FRS2: variants seen among roughly 807,000 people sequenced by gnomAD.
FRS2 encodes the protein FGFR signalling adaptor.
In FRS2, 8 loss-of-function variants were observed where a neutral mutation model predicts 43.9. The observed-to-expected ratio is 0.18, with a 90% CI of 0.11 to 0.33. FRS2 has a LOEUF of 0.33. FRS2 is among the 10% of genes least tolerant of loss of function. The probability of loss-of-function intolerance (pLI) is 1.00; values close to 1 mark genes in which losing one functional copy is unlikely to be tolerated. For missense variants in FRS2, 534 were observed against 627.6 expected (o/e 0.85, Z 1.59); for synonymous variants, 219 against 220.3 (o/e 0.99, Z 0.05).
intron 1 of FRS2, among the ~76,000 whole-genome samples, chr12:69,517,872 A>G (rs1481872111): frequency 2.0e-5 from 3 of 152,180 alleles, no homozygotes; most frequent in Non-Finnish European, 4.4e-5. Context: ...AAAATATAAA[A>G]TGATTTCACA....
intron 1 of FRS2, among the ~76,000 whole-genome samples, chr12:69,484,165 AC>A: frequency 6.6e-6 from 1 of 151,266 alleles, no homozygotes; most frequent in East Asian, 1.9e-4. Flanking sequence ...GCTCACTGCA[AC>A]CTCCGCCTCC....
intron 3 of FRS2, among the ~76,000 whole-genome samples, chr12:69,555,864 G>A (rs951660806): frequency 2.0e-5 from 3 of 152,144 alleles, no homozygotes; most frequent in African/African-American, 7.2e-5. Context: ...GGCAAATTTA[G>A]TTTTCTTTGA....
intron 4 of FRS2, among the ~76,000 whole-genome samples, chr12:69,565,312 T>C (rs1880198296): frequency 6.6e-6 from 1 of 152,052 alleles, no homozygotes; most frequent in African/African-American, 2.4e-5. Flanking sequence ...CTTGGGTGAG[T>C]TGGTTAGTGG....
At chr12:69,552,574 G>A (rs1437658549) in intron 3 of FRS2, among the ~76,000 whole-genome samples, 1 of 152,034 alleles carries the variant, frequency 6.6e-6, no homozygotes, top group Non-Finnish European at 1.5e-5. Context: ...TCTGAGTGTA[G>A]TGTCTTATTT....
intron 4 of FRS2, 102 bp from the exon 5 acceptor site, chr12:69,568,903 C>T: frequency 1.9e-6 from 1 of 522,262 alleles, no homozygotes; most frequent in Non-Finnish European, 3.3e-6. Flanking sequence ...TAATTTTCTG[C>T]ATCAGAATAA....
intron 3 of FRS2, among the ~76,000 whole-genome samples, chr12:69,560,594 T>G (rs1204736056): frequency 6.6e-6 from 1 of 152,230 alleles, no homozygotes; most frequent in Non-Finnish European, 1.5e-5. Flanking sequence ...AAGCCTTGGT[T>G]TCCTTATTTG....
In FRS2 at chr12:69,574,283, A is replaced by C. The variant is rs1486664923; in HGVS notation, c.855A>C (p.Glu285Asp). 24 of 1,614,166 alleles carry C rather than the reference A, an allele frequency of 1.5e-5. No homozygotes were observed. Among genetic ancestry groups the C allele is most frequent in the Non-Finnish European group, 2.0e-5 (24 of 1,179,980 alleles). Reference protein sequence around the residue: ...QVSGSGANNTEWDTGYDSDER... With the variant: ...QVSGSGANNTDWDTGYDSDER... Reference sequence around the variant, plus strand: ...GTGGAAGTGGAGCAAATAACACAGAATGGGACACTGGCTATGACAGTGATG... The same window carrying C: ...GTGGAAGTGGAGCAAATAACACAGACTGGGACACTGGCTATGACAGTGATG... Residue 285 changes from glutamate to aspartate, a missense_variant, in exon 9 of 9, where the codon GAA becomes GAC. Glu to Asp is a conservative substitution (Grantham distance 45, BLOSUM62 2). This residue lies in a region of FRS2 where 446 missense variants were observed against 494.2 expected (regional missense o/e 0.90). Coordinates refer to ENST00000549921, the MANE Select transcript of FRS2 (RefSeq NM_001278356.2).
chr12:69,573,705 C>T (rs1293836610), intron 8 of FRS2, among the ~76,000 whole-genome samples: 2 of 152,212 alleles, frequency 1.3e-5, no homozygotes, highest in South Asian at 4.1e-4. Flanking sequence ...TCAAGTGATC[C>T]ACCCGCTTCA....
chr12:69,510,474 A>G (rs1207886143), intron 1 of FRS2, among the ~76,000 whole-genome samples: 2 of 152,200 alleles, frequency 1.3e-5, no homozygotes, highest in East Asian at 1.9e-4. Flanking sequence ...CCCATGATAG[A>G]TAATAAATAA....
At position 69,497,464 on chromosome 12, in the gene FRS2, G is replaced by T. The variant is rs138640033; in HGVS notation, c.-261+26934G>T. 1.7e-4 allele frequency among the ~76,000 whole-genome samples: 26 copies of T among 152,300 alleles called. No individual in the cohort carries two copies. The East Asian group carries it at 5.0e-3, about 29-fold the overall frequency. ...TCTTGCTGTGTCCTCACATGGTAGA[G>T]GGGGTAAGATTGCTCCCTTCAACCT... On this transcript the variant is annotated intron_variant, in intron 1 of 8. Coordinates refer to ENST00000549921, the MANE Select transcript of FRS2 (RefSeq NM_001278356.2).
intron 1 of FRS2, among the ~76,000 whole-genome samples, chr12:69,517,119 C>T (rs1459808906): frequency 1.3e-5 from 2 of 152,222 alleles, no homozygotes; most frequent in Non-Finnish European, 2.9e-5. Context: ...CCTCCCAGCC[C>T]TCACAGCTGT....
intron 8 of FRS2, among the ~76,000 whole-genome samples, chr12:69,573,531 C>T (rs987834494): frequency 1.3e-5 from 2 of 151,892 alleles, no homozygotes; most frequent in Non-Finnish European, 2.9e-5. Context: ...GGTGTAATCT[C>T]GGCTCACTGC....
At chr12:69,527,342 G>GTTTTTTTTT (rs1294936661) in intron 1 of FRS2, among the ~76,000 whole-genome samples, 7 of 33,138 alleles carry the variant, frequency 2.1e-4, no homozygotes, top group East Asian at 2.6e-3. Flanking sequence ...TTTTTTTAAT[G>GTTTTTTTTT]ATTTTTTTTT....
chr12:69,535,811 C>G (rs1343941029), intron 3 of FRS2, among the ~76,000 whole-genome samples: 3 of 152,052 alleles, frequency 2.0e-5, no homozygotes, highest in Non-Finnish European at 2.9e-5. Context: ...ATTAATGTCT[C>G]TCACCATGGC....
chr12:69,478,598 G>C (rs969356669), intron 1 of FRS2, among the ~76,000 whole-genome samples: 4 of 152,014 alleles, frequency 2.6e-5, no homozygotes, highest in African/African-American at 9.7e-5. Flanking sequence ...CTTTTTCTTT[G>C]AATTTTGAAG....
chr12:69,508,273 A>G (rs542959075), intron 1 of FRS2, among the ~76,000 whole-genome samples: 2 of 152,278 alleles, frequency 1.3e-5, no homozygotes, highest in South Asian at 2.1e-4. Flanking sequence ...AGAGTTGCAA[A>G]TAATGTAAGC....
In FRS2 at chr12:69,561,320, CATTTGAAGTTCAG is replaced by C. The variant is rs1879857666; in HGVS notation, c.-121-858_-121-846del. On this transcript the variant is annotated intron_variant, in intron 3 of 8. Transcript: ENST00000549921. Reference sequence around the variant, plus strand: ...TTGAAGTTCAGAGTTGAAATTGTTGCATTTGAAGTTCAGAGTTGAAATTGTTGACTGTGGGTAC... The same window carrying C: ...TTGAAGTTCAGAGTTGAAATTGTTGCAGTTGAAATTGTTGACTGTGGGTAC... Among the ~76,000 whole-genome samples the C allele has an allele frequency of 2.0e-5, 3 of 152,070 alleles. No individual in the cohort carries two copies. The East Asian group carries it at 5.9e-4, about 30-fold the overall frequency.
At chr12:69,518,000 G>A (rs1875228091) in intron 1 of FRS2, among the ~76,000 whole-genome samples, 1 of 151,732 alleles carries the variant, frequency 6.6e-6, no homozygotes, top group South Asian at 2.1e-4. Flanking sequence ...AAAATATTAA[G>A]CATTTTTTTT....
intron 1 of FRS2, among the ~76,000 whole-genome samples, chr12:69,486,793 A>C (rs559364856): frequency 1.3e-5 from 2 of 152,362 alleles, no homozygotes; most frequent in East Asian, 3.9e-4. Context: ...TAGAAGATCA[A>C]ACCAGCCATA....
Sources: allele counts gnomAD v4.1 joint callset (sites outside exome capture counted in the v4.1 genomes callset), GRCh38; gene constraint gnomAD v4.1.1; regional missense constraint gnomAD v4.1.1; transcripts MANE v1.5; gene names NCBI Gene and HGNC (gene_info 2026-07-23, HGNC 2026-07-21).